The following OR52K1 variants were observed in gnomAD, a reference collection of about 807,000 sequenced individuals.
The protein encoded by OR52K1 is olfactory receptor 52K1.
Under a neutral mutation model 8.7 loss-of-function variants are expected in OR52K1, and 10 were observed. That is an observed-to-expected ratio of 1.15 (90% CI 0.71 to 1.95). The LOEUF (loss-of-function observed/expected upper bound fraction) is 1.95. OR52K1 is among the 30% of genes most tolerant of loss of function. The pLI is 0.00. For synonymous variants in OR52K1, 203 were observed against 148.5 expected, an observed-to-expected ratio of 1.37 and a Z score of -2.67; for missense variants, 431 against 397.2, an observed-to-expected ratio of 1.08 and a Z score of -0.72.
chr11:4,486,347 T>G (rs929729137), intron 1 of OR52K1, among the ~76,000 whole-genome samples: 4 of 152,248 alleles, frequency 2.6e-5, no homozygotes, highest in African/African-American at 9.6e-5. Flanking sequence ...TGGTTCTTCA[T>G]GTGGAATTGG....
At position 4,491,386 on chromosome 11, in the gene OR52K1, G is replaced by T. The variant is rs536797514; in HGVS notation, c.*1541G>T. The T allele has an allele frequency of 3.5e-4, 54 of 152,284 alleles. No individual in the cohort carries two copies. The Middle Eastern group carries it at 0.02, about 58-fold the overall frequency. 9.4% of individuals were successfully genotyped at this position (152,284 alleles called of 1,614,324 possible). ...GGAAAGCAGTAGGTGATTCCTCAAA[G>T]ACCTAAAAACAGAAATACCATTTGA... On this transcript the variant is annotated 3_prime_UTR_variant, in exon 2 of 2. Coordinates refer to ENST00000641528, the MANE Select transcript of OR52K1 (RefSeq NM_001005171.3).
rs761542626 is a variant in OR52K1, at chr11:4,490,491, A to T, written c.*646A>T. On this transcript the variant is annotated 3_prime_UTR_variant, in exon 2 of 2. Coordinates refer to ENST00000641528, the MANE Select transcript of OR52K1 (RefSeq NM_001005171.3). ...CCGATGTTCCTTTTTATCAATTTAT[A>T]TCATGTATCTAGCTTTTCACTGCAT... The T allele has an allele frequency of 3.3e-5, 5 of 152,374 alleles. No homozygotes were observed. The highest frequency in any genetic ancestry group is 3.8e-4 in the East Asian group (2 of 5,196). The allele number at this position is 152,374 out of a possible 1,614,324, so 9.4% of individuals were successfully genotyped here.
chr11:4,487,851 A>T (rs974209509), intron 1 of OR52K1, among the ~76,000 whole-genome samples: 6 of 152,126 alleles, frequency 3.9e-5, no homozygotes, highest in African/African-American at 1.4e-4. Context: ...TTATACAAAC[A>T]TATATTTTAT....
intron 1 of OR52K1, among the ~76,000 whole-genome samples, chr11:4,486,450 A>G (rs1053544660): frequency 1.3e-5 from 2 of 152,204 alleles, no homozygotes; most frequent in African/African-American, 2.4e-5. Context: ...ATTGTTCTGT[A>G]TATACCACTG....
intron 1 of OR52K1, among the ~76,000 whole-genome samples, chr11:4,486,116 T>C (rs776861767): frequency 5.3e-5 from 8 of 152,320 alleles, no homozygotes; most frequent in East Asian, 1.9e-4. Context: ...TGTAGGTTGA[T>C]AGCACCTTAC....
chr11:4,492,151 T>G lies in OR52K1; in HGVS notation c.*2306T>G, dbSNP rs1253760489. The G allele has an allele frequency of 6.6e-6, 1 of 152,174 alleles. No individual in the cohort carries two copies. Among genetic ancestry groups the G allele is most frequent in the Non-Finnish European group, 1.5e-5 (1 of 68,040 alleles). The allele number at this position is 152,174 out of a possible 1,614,324, so 9.4% of individuals were successfully genotyped here. The stretch of plus-strand genomic sequence containing the variant: ...TTGCAAATTAAAGTGTGCATTAACT[T>G]TCCTGCTTTCTTTCCCCTCTGCTGC... On this transcript the variant is annotated 3_prime_UTR_variant, in exon 2 of 2. Coordinates refer to ENST00000641528, the MANE Select transcript of OR52K1 (RefSeq NM_001005171.3).
chr11:4,490,098 C>T lies in OR52K1; in HGVS notation c.*253C>T, dbSNP rs1033189486. On this transcript the variant is annotated 3_prime_UTR_variant, in exon 2 of 2. Transcript: ENST00000641528. ...CATCACATGGCTAAGGAAGACAAAC[C>T]TCTCAAAGTGGTATTGTAATCTGGG... The T allele has an allele frequency of 2.3e-6, 1 of 442,310 alleles. No individual in the cohort carries two copies. Among genetic ancestry groups the T allele is most frequent in the Non-Finnish European group, 4.0e-6 (1 of 248,218 alleles). 27.4% of individuals were successfully genotyped at this position (442,310 alleles called of 1,614,324 possible). A position where few individuals can be genotyped will look rare whatever the true frequency, so the allele number is the denominator to read the frequency against.
At chr11:4,484,753 C>T (rs1371899593) in intron 1 of OR52K1, among the ~76,000 whole-genome samples, 5 of 150,876 alleles carry the variant, frequency 3.3e-5, no homozygotes, top group Admixed American at 2.7e-4. Flanking sequence ...TCTCTTTCTT[C>T]GTCTAAGTTT....
At chr11:4,483,701 G>C (rs1034858166) in intron 1 of OR52K1, among the ~76,000 whole-genome samples, 1 of 152,158 alleles carries the variant, frequency 6.6e-6, no homozygotes, top group Non-Finnish European at 1.5e-5. Flanking sequence ...GAGGAATCTA[G>C]GGGGACATGG....
In OR52K1 at chr11:4,489,763, T is replaced by C; in HGVS notation, c.863T>C (p.Met288Thr). The C allele has an allele frequency of 6.2e-7, 1 of 1,614,138 alleles. No individual in the cohort carries two copies. The highest frequency in any genetic ancestry group is 8.5e-7 in the Non-Finnish European group (1 of 1,180,000). Residue 288 changes from methionine (M) to threonine (T), a missense_variant, in exon 2 of 2, where the codon ATG (methionine) becomes ACG (threonine). Transcript: ENST00000641528. ...ATTTTCTATCTCCTTTTCCCACCCATGGTCAATCCTATCATATATGGAGTC... is the reference window on the plus strand; with the variant it reads ...ATTTTCTATCTCCTTTTCCCACCCACGGTCAATCCTATCATATATGGAGTC... ...LAIFYLLFPPMVNPIIYGVKT... is the reference protein window; with the variant it reads ...LAIFYLLFPPTVNPIIYGVKT...
intron 1 of OR52K1, among the ~76,000 whole-genome samples, chr11:4,484,833 GACACACACACACACACACAC>G (rs57428088): frequency 4.4e-5 from 5 of 113,606 alleles, no homozygotes; most frequent in East Asian, 2.9e-4. Flanking sequence ...AAAACACACA[GACACACACACACACACACAC>G]ACACACACAC....
rs771770468 is a variant in OR52K1 at position 4,489,660 on chromosome 11, T to A, written c.760T>A (p.Tyr254Asn). Reference protein sequence around the residue: ...VSHIGAILSTYTPVVISSVMH... With the variant: ...VSHIGAILSTNTPVVISSVMH... The stretch of plus-strand genomic sequence containing the variant: ...TCACATAGGTGCCATCCTGTCCACC[T>A]ACACTCCAGTAGTCATCTCTTCAGT... Residue 254 changes from tyrosine (Y) to asparagine (N), a missense_variant, in exon 2 of 2, where the codon TAC (tyrosine) becomes AAC (asparagine). By Grantham distance (143) the Tyr-to-Asn change is moderately radical. Transcript: ENST00000641528. 1 of 1,614,230 alleles carries A rather than the reference T, an allele frequency of 6.2e-7. No homozygotes were observed. The highest frequency in any genetic ancestry group is 8.5e-7 in the Non-Finnish European group (1 of 1,180,040).
Position 4,488,802 on chromosome 11 carries a change from G to T in OR52K1, c.-99G>T. 3 of 806,052 alleles carry T rather than the reference G, an allele frequency of 3.7e-6. No individual in the cohort carries two copies. The highest frequency in any genetic ancestry group is 4.1e-6 in the Non-Finnish European group (2 of 489,234). 49.9% of individuals were successfully genotyped at this position (806,052 alleles called of 1,614,324 possible). ...GAAACAAGAGGTAATCTTTGCAGGT[G>T]GGATAGCACAGGTTGAACTCTAATC... On this transcript the variant is annotated 5_prime_UTR_variant, in exon 2 of 2. Coordinates refer to ENST00000641528, the MANE Select transcript of OR52K1 (RefSeq NM_001005171.3).
intron 1 of OR52K1, among the ~76,000 whole-genome samples, chr11:4,483,734 G>A (rs1020319842): frequency 2.0e-5 from 3 of 152,120 alleles, no homozygotes; most frequent in Non-Finnish European, 2.9e-5. Flanking sequence ...AAACATGTGG[G>A]TTTTGTGGAA....
chr11:4,486,155 T>A (rs1735335653), intron 1 of OR52K1, among the ~76,000 whole-genome samples: 1 of 152,238 alleles, frequency 6.6e-6, no homozygotes, highest in Non-Finnish European at 1.5e-5. Context: ...CCACAGTTTC[T>A]CTGCTTTATT....
chr11:4,492,245 T>C lies in OR52K1; in HGVS notation c.*2400T>C, dbSNP rs1846383174. 1 of 151,662 alleles carries C rather than the reference T, an allele frequency of 6.6e-6. No individual in the cohort carries two copies. The highest frequency in any genetic ancestry group is 2.4e-5 in the African/African-American group (1 of 41,150). The allele number at this position is 151,662 out of a possible 1,614,324, so 9.4% of individuals were successfully genotyped here. On this transcript the variant is annotated 3_prime_UTR_variant, in exon 2 of 2. Transcript: ENST00000641528. ...GTCCACCCACAATGAGTAAGAAGTG[T>C]AAATGAGAAATTGTGTTTGAGCTGC...
At chr11:4,487,335 A>G (rs1485220753) in intron 1 of OR52K1, among the ~76,000 whole-genome samples, 1 of 152,230 alleles carries the variant, frequency 6.6e-6, no homozygotes, top group East Asian at 1.9e-4. Flanking sequence ...GATTTTATAC[A>G]TAATCACACT....
chr11:4,483,354 T>C (rs569178875), intron 1 of OR52K1, among the ~76,000 whole-genome samples, 178 bp downstream of exon 1: 3 of 152,314 alleles, frequency 2.0e-5, no homozygotes, highest in Non-Finnish European at 4.4e-5. Context: ...CCATTCTGGG[T>C]ACAGAGGCCT....
At position 4,490,791 on chromosome 11, in the gene OR52K1, T is replaced by A. The variant is rs1357610652; in HGVS notation, c.*946T>A. On this transcript the variant is annotated 3_prime_UTR_variant, in exon 2 of 2. Coordinates refer to ENST00000641528, the MANE Select transcript of OR52K1 (RefSeq NM_001005171.3). ...TTTTAAGTTACATGTACAGGTTTGTTATCTAGGTAAAGCCATGTTATGGGG... is the reference window on the plus strand; with the variant it reads ...TTTTAAGTTACATGTACAGGTTTGTAATCTAGGTAAAGCCATGTTATGGGG... The A allele has an allele frequency of 6.6e-6, 1 of 152,252 alleles. No individual in the cohort carries two copies. Among genetic ancestry groups the A allele is most frequent in the East Asian group, 1.9e-4 (1 of 5,206 alleles). 9.4% of individuals were successfully genotyped at this position (152,252 alleles called of 1,614,324 possible).
Sources: allele counts gnomAD v4.1 joint callset (sites outside exome capture counted in the v4.1 genomes callset), GRCh38; gene constraint gnomAD v4.1.1; transcripts MANE v1.5; gene names NCBI Gene and HGNC (gene_info 2026-07-23, HGNC 2026-07-21).